Variants in MDGA2 observed in about 807,000 individuals in gnomAD.
The protein encoded by MDGA2 is MAM domain-containing glycosylphosphatidylinositol anchor protein 2.
In MDGA2, 40 loss-of-function variants were observed where a neutral mutation model predicts 117.8. That is an observed-to-expected ratio of 0.34 (90% CI 0.26 to 0.44). MDGA2 has a LOEUF of 0.44. Ranked by LOEUF, MDGA2 falls within the 20% of genes least tolerant of loss-of-function variation. MDGA2 has a pLI of 1.00. For missense variants in MDGA2, 1,123 were observed against 1,250.6 expected (o/e 0.90, Z 1.54); for synonymous variants, 452 against 439.0 (o/e 1.03, Z -0.37).
intron 1 of MDGA2, among the ~76,000 whole-genome samples, chr14:47,462,944 A>G (rs897375303): frequency 4.6e-5 from 7 of 152,260 alleles, no homozygotes; most frequent in Admixed American, 2.0e-4. Context: ...TGAGACATTT[A>G]TGTATCATTG....
At chr14:47,585,965 C>T (rs1341257767) in intron 1 of MDGA2, among the ~76,000 whole-genome samples, 2 of 151,814 alleles carry the variant, frequency 1.3e-5, no homozygotes, top group African/African-American at 2.4e-5. Flanking sequence ...GCAATTATTG[C>T]AGATGGGAGG....
intron 9 of MDGA2, among the ~76,000 whole-genome samples, chr14:46,948,333 G>A (rs1043607639): frequency 1.3e-5 from 2 of 151,874 alleles, no homozygotes; most frequent in African/African-American, 4.8e-5. Flanking sequence ...GACCAGTACT[G>A]TCTATGAGAG....
intron 1 of MDGA2, among the ~76,000 whole-genome samples, chr14:47,495,147 C>T (rs887292206): frequency 1.3e-5 from 2 of 151,834 alleles, no homozygotes; most frequent in African/African-American, 4.8e-5. Context: ...AGCAATTATC[C>T]TTAGTGAAAT....
rs574229127 is a variant in MDGA2 at position 47,477,693 on chromosome 14, C to T, written c.281-176143G>A. On this transcript the variant is annotated intron_variant, in intron 1 of 16. Coordinates refer to ENST00000399232, the MANE Select transcript of MDGA2 (RefSeq NM_001113498.3). ...GCATGACAATTTCAGTTTCTTTGTGCTAACCCTCTGTCTGAGATATAAGAA... is the reference window on the plus strand; with the variant it reads ...GCATGACAATTTCAGTTTCTTTGTGTTAACCCTCTGTCTGAGATATAAGAA... 2.6e-5 allele frequency among the ~76,000 whole-genome samples: 4 copies of T among 152,212 alleles called. No individual in the cohort carries two copies. In the South Asian group the frequency reaches 8.3e-4, roughly 32 times the overall value.
At chr14:47,308,313 C>G (rs1889522143) in intron 1 of MDGA2, among the ~76,000 whole-genome samples, 1 of 152,102 alleles carries the variant, frequency 6.6e-6, no homozygotes, top group Non-Finnish European at 1.5e-5. Context: ...ATTGTACCAG[C>G]ATTTTAGGAC....
chr14:47,482,971 A>ATAT (rs1893985099), intron 1 of MDGA2, among the ~76,000 whole-genome samples: 1 of 151,878 alleles, frequency 6.6e-6, no homozygotes, highest in East Asian at 1.9e-4. Flanking sequence ...TCCCCATACC[A>ATAT]TGCCCTTCTA....
At chr14:47,591,841 A>T (rs1198712989) in intron 1 of MDGA2, among the ~76,000 whole-genome samples, 1 of 152,148 alleles carries the variant, frequency 6.6e-6, no homozygotes, top group Non-Finnish European at 1.5e-5. Flanking sequence ...GAATGGGCAA[A>T]AGCTAAAAGC....
chr14:47,014,840 T>C (rs895917753), intron 8 of MDGA2, among the ~76,000 whole-genome samples: 3 of 152,214 alleles, frequency 2.0e-5, no homozygotes, highest in African/African-American at 7.2e-5. Flanking sequence ...GTAGCACTTT[T>C]AGTTTCCTTC....
intron 1 of MDGA2, among the ~76,000 whole-genome samples, chr14:47,458,268 C>T (rs540770892): frequency 2.3e-4 from 35 of 152,274 alleles, no homozygotes; most frequent in African/African-American, 8.2e-4. Flanking sequence ...CCTTGCTGAG[C>T]AGAAGCTTTT....
At chr14:47,079,691 T>C (rs1230429342) in intron 6 of MDGA2, among the ~76,000 whole-genome samples, 1 of 132,442 alleles carries the variant, frequency 7.6e-6, no homozygotes, top group Non-Finnish European at 1.7e-5. Context: ...TGTTGTCAAA[T>C]ATACTGTGTT....
Position 46,957,444 on chromosome 14 carries a change from T to C in MDGA2, c.2019A>G (p.Glu673=). Residue 673 remains glutamate, a synonymous_variant, in exon 9 of 17, where the codon GAA becomes GAG. Coordinates refer to ENST00000399232, the MANE Select transcript of MDGA2 (RefSeq NM_001113498.3). ...TEYAVKSLSN[E]NYGVYNCSII... ...TGCTACAGTTATAAACCCCATAGTT[T>C]TCATTGGAAAGACTCTTCACAGCGT... 1 of 1,614,132 alleles carries C rather than the reference T, an allele frequency of 6.2e-7. No individual in the cohort carries two copies. The highest frequency in any genetic ancestry group is 1.1e-5 in the South Asian group (1 of 91,080).
rs140342943 is a variant in MDGA2 at position 47,518,646 on chromosome 14, T to C, written c.280+155871A>G. ...TAATATTCTATAACATTAGATATCT[T>C]TATAGGGAAACATTTTAAAAAGAAA... On this transcript the variant is annotated intron_variant, in intron 1 of 16. Transcript: ENST00000399232. 4.7e-3 allele frequency among the ~76,000 whole-genome samples: 717 copies of C among 152,270 alleles called. 5 individuals carry two copies. The highest frequency in any genetic ancestry group is 0.016 in the African/African-American group (685 of 41,564).
intron 5 of MDGA2, among the ~76,000 whole-genome samples, chr14:47,131,074 G>C (rs1299023748): frequency 2.0e-5 from 3 of 151,746 alleles, no homozygotes; most frequent in Non-Finnish European, 4.4e-5. Flanking sequence ...CTCAAAACCA[G>C]TTCAAATTTT....
At chr14:47,163,295 C>T (rs1167860829) in intron 3 of MDGA2, among the ~76,000 whole-genome samples, 2 of 152,144 alleles carry the variant, frequency 1.3e-5, no homozygotes, top group Non-Finnish European at 2.9e-5. Context: ...CCTACCTCTA[C>T]TATGCGCATG....
chr14:46,926,926 G>A (rs887784673), intron 9 of MDGA2, among the ~76,000 whole-genome samples: 2 of 152,062 alleles, frequency 1.3e-5, no homozygotes, highest in Non-Finnish European at 2.9e-5. Context: ...AAGTGATTGC[G>A]CATACTGCTG....
chr14:47,380,515 A>G (rs998892831), intron 1 of MDGA2, among the ~76,000 whole-genome samples: 1 of 152,058 alleles, frequency 6.6e-6, no homozygotes, highest in Admixed American at 6.6e-5. Context: ...TAGACGCAAT[A>G]AAAAAGGATA....
intron 2 of MDGA2, among the ~76,000 whole-genome samples, chr14:47,236,639 G>A (rs1886875494): frequency 6.6e-6 from 1 of 152,162 alleles, no homozygotes; most frequent in South Asian, 2.1e-4. Context: ...ATAAGTGATT[G>A]CTAAATAAAT....
intron 1 of MDGA2, among the ~76,000 whole-genome samples, chr14:47,360,829 A>T (rs117726148): frequency 0.017 from 2,623 of 152,224 alleles, 25 homozygotes; most frequent in Non-Finnish European, 0.025. Context: ...CTTAAGTGTC[A>T]GGTGGATGAA....
At position 47,432,382 on chromosome 14, in the gene MDGA2, C is replaced by T. The variant is rs552573038; in HGVS notation, c.281-130832G>A. ...CATATTGTGTTATCTCATATATATC[C>T]GCTAAATTAGATTTATAAGTCCTTG... On this transcript the variant is annotated intron_variant, in intron 1 of 16. Coordinates refer to ENST00000399232, the MANE Select transcript of MDGA2 (RefSeq NM_001113498.3). 6.2e-4 allele frequency among the ~76,000 whole-genome samples: 94 copies of T among 152,046 alleles called. 1 individual carries two copies. The highest frequency in any genetic ancestry group is 1.9e-3 in the African/African-American group (80 of 41,502).
Sources: allele counts gnomAD v4.1 joint callset (sites outside exome capture counted in the v4.1 genomes callset), GRCh38; gene constraint gnomAD v4.1.1; transcripts MANE v1.5; gene names NCBI Gene and HGNC (gene_info 2026-07-23, HGNC 2026-07-21).